Variants in ZNF385D observed in about 807,000 individuals in gnomAD.
ZNF385D encodes zinc finger protein 385D, also known as zinc finger protein 659.
A neutral mutation model predicts 35.8 loss-of-function variants in ZNF385D; 15 were observed. That is an observed-to-expected ratio of 0.42 (90% CI 0.28 to 0.64). The LOEUF (loss-of-function observed/expected upper bound fraction) is 0.64, where lower values mean the gene tolerates loss of function less well. Ranked by LOEUF, ZNF385D falls within the 30% of genes least tolerant of loss-of-function variation. The pLI is 0.23. For missense variants in ZNF385D, 474 were observed against 494.6 expected (o/e 0.96, Z 0.39); for synonymous variants, 212 against 186.8 (o/e 1.13, Z -1.10).
At chr3:21,947,272 G>A (rs1701837835) in intron 3 of ZNF385D, among the ~76,000 whole-genome samples, 1 of 152,006 alleles carries the variant, frequency 6.6e-6, no homozygotes, top group Non-Finnish European at 1.5e-5. Context: ...TATAAATATT[G>A]GCAAATTTAT....
intron 2 of ZNF385D, among the ~76,000 whole-genome samples, chr3:22,193,678 A>G (rs1244937901): frequency 6.6e-6 from 1 of 151,986 alleles, no homozygotes; most frequent in Non-Finnish European, 1.5e-5. Flanking sequence ...AATGAGTTCA[A>G]TATTCTATTA....
At chr3:21,757,134 T>TTTTTTTTTTTTTTTTTTTTTG (rs1553654008) in intron 3 of ZNF385D, among the ~76,000 whole-genome samples, 3 of 128,232 alleles carry the variant, frequency 2.3e-5, no homozygotes, top group African/African-American at 5.9e-5. Flanking sequence ...TTTTTTTTTT[T>TTTTTTTTTTTTTTTTTTTTTG]TTTTTGTTTT....
chr3:22,245,694 G>T (rs1206363485), intron 2 of ZNF385D, among the ~76,000 whole-genome samples: 1 of 148,344 alleles, frequency 6.7e-6, no homozygotes, highest in Non-Finnish European at 1.5e-5. Context: ...AGTGAAAACT[G>T]TGAAGAGGAA....
At chr3:22,242,390 C>G (rs1011719316) in intron 2 of ZNF385D, among the ~76,000 whole-genome samples, 1 of 150,874 alleles carries the variant, frequency 6.6e-6, no homozygotes. Context: ...GCAAACATCA[C>G]CTTAACCAAA....
intron 1 of ZNF385D, among the ~76,000 whole-genome samples, chr3:21,726,949 G>A (rs1268916077): frequency 6.6e-6 from 1 of 152,110 alleles, no homozygotes; most frequent in Non-Finnish European, 1.5e-5. Context: ...AACCAGAACA[G>A]CATAGTACTG....
chr3:22,298,560 T>TACACACACACAC lies in ZNF385D; in HGVS notation c.106+73878_106+73889dup, dbSNP rs758306222. 9.5e-3 allele frequency among the ~76,000 whole-genome samples: 1,359 copies of TACACACACACAC among 142,824 alleles called. 12 individuals are homozygous for TACACACACACAC. Among genetic ancestry groups the TACACACACACAC allele is most frequent in the Middle Eastern group, 0.04 (11 of 276 alleles). The allele number at this position is 142,824 out of a possible 152,430, so 93.7% of individuals were successfully genotyped here. ...TAAAACATTTATGTATATACACACATACACACACACACACATATATGTATG... is the reference window on the plus strand; with the variant it reads ...TAAAACATTTATGTATATACACACATACACACACACACACACACACACACACATATATGTATG... On this transcript the variant is annotated intron_variant, in intron 2 of 5. Transcript: ENST00000494108.
intron 3 of ZNF385D, among the ~76,000 whole-genome samples, chr3:22,100,157 G>A (rs1246336913): frequency 6.9e-6 from 1 of 144,294 alleles, no homozygotes; most frequent in Non-Finnish European, 1.5e-5. Context: ...CAGTTAGAAT[G>A]GCAATCATTA....
intron 3 of ZNF385D, among the ~76,000 whole-genome samples, chr3:22,127,082 T>C (rs988444818): frequency 3.3e-5 from 5 of 152,064 alleles, no homozygotes; most frequent in Admixed American, 3.3e-4. Flanking sequence ...AGGTGAAATG[T>C]GTTTCTTATA....
chr3:22,364,786 C>T (rs898560735), intron 2 of ZNF385D, among the ~76,000 whole-genome samples: 2 of 152,022 alleles, frequency 1.3e-5, no homozygotes, highest in Non-Finnish European at 2.9e-5. Flanking sequence ...TATCTGTGCA[C>T]TCATGTTTAC....
intron 3 of ZNF385D, among the ~76,000 whole-genome samples, chr3:22,047,375 T>C (rs1699066760): frequency 6.6e-6 from 1 of 152,124 alleles, no homozygotes; most frequent in Non-Finnish European, 1.5e-5. Flanking sequence ...TAATTGAAAT[T>C]ATGCATTCTT....
At chr3:21,542,164 C>G (rs1428042466) in intron 3 of ZNF385D, among the ~76,000 whole-genome samples, 2 of 152,016 alleles carry the variant, frequency 1.3e-5, no homozygotes, top group African/African-American at 4.8e-5. Flanking sequence ...TATTTACTTC[C>G]CTTTAAAAAT....
intron 3 of ZNF385D, among the ~76,000 whole-genome samples, chr3:21,880,677 A>G (rs1427003644): frequency 6.6e-6 from 1 of 152,016 alleles, no homozygotes; most frequent in Non-Finnish European, 1.5e-5. Context: ...TTCTCACGTT[A>G]AGTCAAAAGC....
At chr3:22,106,134 G>C (rs568490714) in intron 3 of ZNF385D, among the ~76,000 whole-genome samples, 1 of 152,186 alleles carries the variant, frequency 6.6e-6, no homozygotes, top group African/African-American at 2.4e-5. Context: ...CAGAGCCCAG[G>C]TATTTGTGGC....
intron 2 of ZNF385D, among the ~76,000 whole-genome samples, chr3:21,610,319 T>C (rs957245172): frequency 1.3e-5 from 2 of 152,076 alleles, no homozygotes; most frequent in Admixed American, 6.5e-5. Flanking sequence ...GATTAAGCAA[T>C]AGAGCAAGAT....
At chr3:21,537,124 CTTT>C (rs35873199) in intron 3 of ZNF385D, among the ~76,000 whole-genome samples, 221 of 95,004 alleles carry the variant, frequency 2.3e-3, no homozygotes, top group African/African-American at 8.5e-3. Context: ...AAAATATCAA[CTTT>C]TTTTTTTTTT....
chr3:21,877,835 T>A (rs779035), intron 3 of ZNF385D: 10 of 151,738 alleles, frequency 6.6e-5, no homozygotes, highest in Non-Finnish European at 1.2e-4. Context: ...GTAATCAGAA[T>A]CTATTTTATG....
intron 3 of ZNF385D, among the ~76,000 whole-genome samples, chr3:21,918,733 G>A (rs1700313894): frequency 6.6e-6 from 1 of 152,052 alleles, no homozygotes; most frequent in South Asian, 2.1e-4. Context: ...TCTATAACAT[G>A]GTGTTTGTCT....
intron 3 of ZNF385D, among the ~76,000 whole-genome samples, chr3:22,024,380 C>G (rs1327040826): frequency 6.6e-6 from 1 of 151,754 alleles, no homozygotes; most frequent in Non-Finnish European, 1.5e-5. Context: ...TGAGAGAACC[C>G]TAATACAGAT....
At chr3:21,751,220 A>G, upstream of ZNF385D, 2 of 1,280,202 alleles carry the variant, frequency 1.6e-6, no homozygotes, top group Non-Finnish European at 2.0e-6. Flanking sequence ...TGAGAGTACT[A>G]CAAGCAGACC....
Sources: allele counts gnomAD v4.1 joint callset (sites outside exome capture counted in the v4.1 genomes callset), GRCh38; gene constraint gnomAD v4.1.1; transcripts MANE v1.5; gene names NCBI Gene and HGNC (gene_info 2026-07-23, HGNC 2026-07-21).